ACADL: variants seen among roughly 807,000 people sequenced by gnomAD.
ACADL encodes the protein acyl-CoA dehydrogenase long chain.
A neutral mutation model predicts 56.9 loss-of-function variants in ACADL; 60 were observed. The observed-to-expected ratio is 1.05, with a 90% CI of 0.86 to 1.31. The LOEUF (loss-of-function observed/expected upper bound fraction) is 1.31, where lower values mean the gene tolerates loss of function less well. Among genes scored for constraint, ACADL ranks in the 50% most tolerant of loss-of-function variants. The pLI, the probability that ACADL is intolerant of heterozygous loss-of-function variation, is 0.00. For synonymous variants in ACADL, 158 were observed against 179.7 expected (o/e 0.88, Z 0.97); for missense variants, 484 against 525.5 (o/e 0.92, Z 0.77).
intron 5 of ACADL, among the ~76,000 whole-genome samples, chr2:210,206,034 T>C (rs1357618674): frequency 6.6e-6 from 1 of 152,114 alleles, no homozygotes; most frequent in African/African-American, 2.4e-5. Flanking sequence ...CTTTTCACTA[T>C]TAATATTATA....
chr2:210,189,204 T>C, intron 10 of ACADL, 150 bp from the exon 11 acceptor site: 1 of 589,904 alleles, frequency 1.7e-6, no homozygotes, highest in South Asian at 2.0e-5. Context: ...ATGGCATTCA[T>C]CCTAAATTGG....
At chr2:210,205,927 A>G (rs1575676093) in intron 5 of ACADL, 131 bp from the exon 6 acceptor site, 2 of 1,045,044 alleles carry the variant, frequency 1.9e-6, no homozygotes, top group Admixed American at 2.0e-5. Flanking sequence ...TCTGTACCCT[A>G]CCCAAATATC....
chr2:210,213,889 A>G (rs1689029750), intron 4 of ACADL, among the ~76,000 whole-genome samples: 1 of 152,130 alleles, frequency 6.6e-6, no homozygotes, highest in African/African-American at 2.4e-5. Context: ...ATATAATAAA[A>G]TCAACATGAG....
intron 2 of ACADL, among the ~76,000 whole-genome samples, chr2:210,220,318 T>C (rs1689154318): frequency 1.3e-5 from 2 of 152,176 alleles, no homozygotes. Context: ...TTTTGGGTTT[T>C]TACAGTTTAA....
At chr2:210,213,512 C>T (rs1159482834) in intron 4 of ACADL, among the ~76,000 whole-genome samples, 1 of 151,844 alleles carries the variant, frequency 6.6e-6, no homozygotes. Flanking sequence ...AAAAAAAATT[C>T]TTCTATACAG....
chr2:210,208,904 GTGGTAC>G (rs1417749793), intron 5 of ACADL, among the ~76,000 whole-genome samples: 3 of 152,176 alleles, frequency 2.0e-5, no homozygotes, highest in Non-Finnish European at 4.4e-5. Context: ...AACAGAGTCA[GTGGTAC>G]TTTTCCTGTG....
At position 210,220,750 on chromosome 2, in the gene ACADL, A is replaced by G. The variant is rs1689163391; in HGVS notation, c.130T>C (p.Leu44=). The G allele has an allele frequency of 6.2e-7, 1 of 1,612,554 alleles. No homozygotes were observed. Among genetic ancestry groups the G allele is most frequent in the South Asian group, 1.1e-5 (1 of 90,998 alleles). The change falls in exon 2 of 11, where the codon TTA becomes CTA. Residue 44 remains leucine, a synonymous_variant. Coordinates refer to ENST00000233710, the MANE Select transcript of ACADL (RefSeq NM_001608.4). ...ATTCTTCGAATTCCTATATCTGTTA[A>G]TTTTTTAGCAGAAGGAGTTTCTAGA... ...ERLETPSAKK[L]TDIGIRRIFS...
chr2:210,204,678 G>T lies in ACADL; in HGVS notation c.773C>A (p.Thr258Asn), dbSNP rs1688855453. 6.2e-7 allele frequency: 1 copy of T among 1,605,064 alleles called. No individual in the cohort carries two copies. Among genetic ancestry groups the T allele is most frequent in the Non-Finnish European group, 8.5e-7 (1 of 1,172,088 alleles). Residue 258 changes from threonine (T) to asparagine (N), a missense_variant, in exon 7 of 11, where the codon ACC becomes AAC. Coordinates refer to ENST00000233710, the MANE Select transcript of ACADL (RefSeq NM_001608.4). Reference protein sequence around the residue: ...LHKMGLKAQDTAELFFEDIRL... With the variant: ...LHKMGLKAQDNAELFFEDIRL... Reference sequence around the variant, plus strand: ...TATATCTTCAAAGAATAGTTCTGCGGTATCCTAAGAGACCATACAAAAAAT... The same window carrying T: ...TATATCTTCAAAGAATAGTTCTGCGTTATCCTAAGAGACCATACAAAAAAT...
At chr2:210,221,791 C>A (rs542903709) in intron 1 of ACADL, among the ~76,000 whole-genome samples, 34 of 149,776 alleles carry the variant, frequency 2.3e-4, no homozygotes, top group Middle Eastern at 3.5e-3. Context: ...TGCAGTGATG[C>A]AATCTTGGCT....
intron 1 of ACADL, chr2:210,224,712 G>A: frequency 2.0e-6 from 2 of 987,374 alleles, no homozygotes; most frequent in Non-Finnish European, 2.4e-6. Flanking sequence ...CGGGCACTGA[G>A]TCCGGGTCCC....
intron 4 of ACADL, among the ~76,000 whole-genome samples, chr2:210,214,467 AAAAGAAAGAAAGAAAG>A (rs60795055): frequency 2.5e-5 from 3 of 122,336 alleles, no homozygotes; most frequent in Non-Finnish European, 4.9e-5. Flanking sequence ...GACCTTCCAA[AAAAGAAAGAAAGAAAG>A]AAAGAAAGAA....
chr2:210,205,659 C>T lies in ACADL; in HGVS notation c.741G>A (p.Lys247=). ...NGMKGFIKGR[K]LHKMGLKAQD... ...GGGCTTTTAATCCCATTTTATGTAG[C>T]TTTCGTCCCTTGATAAATCCTTTCA... The change falls in exon 6 of 11, where the codon AAG becomes AAA. Residue 247 remains lysine, a synonymous_variant. Transcript: ENST00000233710. 6.2e-7 allele frequency: 1 copy of T among 1,613,882 alleles called. No individual in the cohort carries two copies. Among genetic ancestry groups the T allele is most frequent in the South Asian group, 1.1e-5 (1 of 91,074 alleles).
At chr2:210,213,581 T>G in intron 4 of ACADL, among the ~76,000 whole-genome samples, 1 of 152,266 alleles carries the variant, frequency 6.6e-6, no homozygotes, top group South Asian at 2.1e-4. Flanking sequence ...TTTTCCTAAA[T>G]TTTTGAATGT....
chr2:210,188,896 A>G lies in ACADL; in HGVS notation c.*65T>C. The G allele has an allele frequency of 8.5e-7, 1 of 1,177,504 alleles. No individual in the cohort carries two copies. Among genetic ancestry groups the G allele is most frequent in the Non-Finnish European group, 1.3e-6 (1 of 782,424 alleles). 72.9% of individuals were successfully genotyped at this position (1,177,504 alleles called of 1,614,324 possible). A position where few individuals can be genotyped will look rare whatever the true frequency, so the allele number is the denominator to read the frequency against. On this transcript the variant is annotated 3_prime_UTR_variant, in exon 11 of 11. Coordinates refer to ENST00000233710, the MANE Select transcript of ACADL (RefSeq NM_001608.4). ...AGTGTTTCCTCGCTTTCCAAGTTAC[A>G]TTTTATCTTGAGCAGATTTAAAACG...
At chr2:210,215,224 A>G (rs1050526549) in intron 4 of ACADL, among the ~76,000 whole-genome samples, 2 of 151,856 alleles carry the variant, frequency 1.3e-5, no homozygotes, top group Non-Finnish European at 2.9e-5. Flanking sequence ...TCCTTTTACC[A>G]CTCAGCTCTG....
chr2:210,190,919 G>GT (rs1256402462), intron 10 of ACADL, among the ~76,000 whole-genome samples: 158 of 61,592 alleles, frequency 2.6e-3, no homozygotes, highest in South Asian at 0.022. Flanking sequence ...TGTTGTTGTT[G>GT]TTTGTTTTTT....
chr2:210,202,624 T>C (rs1332129783), intron 8 of ACADL, among the ~76,000 whole-genome samples: 1 of 152,162 alleles, frequency 6.6e-6, no homozygotes, highest in Non-Finnish European at 1.5e-5. Context: ...ATCTACAACC[T>C]TTCCCTCTTT....
At chr2:210,202,763 C>T (rs1271021618) in intron 8 of ACADL, among the ~76,000 whole-genome samples, 2 of 152,210 alleles carry the variant, frequency 1.3e-5, no homozygotes, top group African/African-American at 4.8e-5. Context: ...CTCCCCTCTT[C>T]GCTTACCACC....
chr2:210,203,676 A>C (rs1204399391), intron 7 of ACADL, among the ~76,000 whole-genome samples: 1 of 152,018 alleles, frequency 6.6e-6, no homozygotes, highest in African/African-American at 2.4e-5. Context: ...TTTTTTTATA[A>C]TCTTTTTAAA....
Sources: allele counts gnomAD v4.1 joint callset (sites outside exome capture counted in the v4.1 genomes callset), GRCh38; gene constraint gnomAD v4.1.1; transcripts MANE v1.5; gene names NCBI Gene and HGNC (gene_info 2026-07-23, HGNC 2026-07-21).